Variants in PBX1 observed in about 807,000 individuals in gnomAD.
PBX1 encodes the protein pre-B-cell leukemia transcription factor 1.
In PBX1, 6 loss-of-function variants were observed where a neutral mutation model predicts 53.4. The ratio of observed to expected loss-of-function variants is 0.11; its 90% CI spans 0.06 to 0.22. The LOEUF (loss-of-function observed/expected upper bound fraction) is 0.22, where lower values mean the gene tolerates loss of function less well. Among genes scored for constraint, PBX1 ranks in the 10% least tolerant of loss-of-function variants. PBX1 has a pLI of 1.00. For synonymous variants in PBX1, 204 were observed against 212.3 expected (o/e 0.96, Z 0.34); for missense variants, 251 against 551.4 (o/e 0.46, Z 5.46).
At chr1:164,708,603 A>C (rs1418841365) in intron 2 of PBX1, among the ~76,000 whole-genome samples, 1 of 152,066 alleles carries the variant, frequency 6.6e-6, no homozygotes. Flanking sequence ...CTTTACGTTC[A>C]TGTATACCCA....
At chr1:164,600,488 A>T (rs1317649457) in intron 2 of PBX1, among the ~76,000 whole-genome samples, 1 of 152,072 alleles carries the variant, frequency 6.6e-6, no homozygotes, top group Non-Finnish European at 1.5e-5. Flanking sequence ...ACCTCAGGTG[A>T]TCTACCCGCC....
intron 8 of PBX1, among the ~76,000 whole-genome samples, chr1:164,833,786 C>G (rs1158004410): frequency 6.6e-6 from 1 of 151,638 alleles, no homozygotes; most frequent in African/African-American, 2.4e-5. Flanking sequence ...AGCAACCGGT[C>G]TATTCTGACT....
chr1:164,565,716 C>G (rs531582721), intron 2 of PBX1, among the ~76,000 whole-genome samples: 3 of 151,148 alleles, frequency 2.0e-5, no homozygotes, highest in African/African-American at 2.4e-5. Context: ...GTTGATGGGT[C>G]GGAGGAACAA....
intron 8 of PBX1, 30 bp downstream of exon 8, chr1:164,821,656 TTTG>T: frequency 6.5e-7 from 1 of 1,532,522 alleles, no homozygotes; most frequent in Non-Finnish European, 9.0e-7. Context: ...CACCCCCTGC[TTTG>T]TTTTTATTCT....
chr1:164,578,257 C>T (rs1055921060), intron 2 of PBX1, among the ~76,000 whole-genome samples: 3 of 152,156 alleles, frequency 2.0e-5, no homozygotes, highest in Admixed American at 2.0e-4. Flanking sequence ...TATGGAAGCT[C>T]AATTATTTTT....
chr1:164,615,193 T>C (rs536442351), intron 2 of PBX1, among the ~76,000 whole-genome samples: 1 of 152,316 alleles, frequency 6.6e-6, no homozygotes, highest in East Asian at 1.9e-4. Flanking sequence ...TTTCTCCATA[T>C]AGTAGCTTAT....
intron 2 of PBX1, among the ~76,000 whole-genome samples, chr1:164,714,303 T>C (rs148873721): frequency 1.4e-4 from 22 of 152,368 alleles, no homozygotes; most frequent in African/African-American, 5.0e-4. Context: ...TCTCATTGTC[T>C]ATTAAACCTT....
chr1:164,609,657 G>A (rs751453343), intron 2 of PBX1, among the ~76,000 whole-genome samples: 1 of 151,956 alleles, frequency 6.6e-6, no homozygotes, highest in African/African-American at 2.4e-5. Flanking sequence ...TGTGTGAGCC[G>A]CATGGATTTC....
chr1:164,741,750 G>GTA (rs940757421), intron 2 of PBX1, among the ~76,000 whole-genome samples: 1 of 151,054 alleles, frequency 6.6e-6, no homozygotes, highest in Non-Finnish European at 1.5e-5. Flanking sequence ...GTGTGTGTGT[G>GTA]TGTGTGTGTG....
At chr1:164,742,731 A>G (rs556080998) in intron 2 of PBX1, among the ~76,000 whole-genome samples, 1 of 152,348 alleles carries the variant, frequency 6.6e-6, no homozygotes, top group African/African-American at 2.4e-5. Context: ...CTCTGACTTA[A>G]AAAATGAAAT....
chr1:164,683,570 C>G (rs893995211), intron 2 of PBX1: 6 of 152,150 alleles, frequency 3.9e-5, no homozygotes, highest in African/African-American at 1.4e-4. Context: ...CTAAGTCTTT[C>G]TTCTGTATCA....
chr1:164,755,957 C>T (rs1666492429), intron 2 of PBX1, among the ~76,000 whole-genome samples: 1 of 149,302 alleles, frequency 6.7e-6, no homozygotes, highest in Non-Finnish European at 1.5e-5. Context: ...CCAAGGTAGC[C>T]TCCTGGTGCA....
At chr1:164,832,914 A>C (rs1670839477) in intron 8 of PBX1, among the ~76,000 whole-genome samples, 1 of 152,102 alleles carries the variant, frequency 6.6e-6, no homozygotes, top group Admixed American at 6.6e-5. Flanking sequence ...AAAGATTAAA[A>C]AACAGATCAA....
intron 2 of PBX1, among the ~76,000 whole-genome samples, chr1:164,733,444 G>T (rs1352783272): frequency 6.6e-6 from 1 of 152,126 alleles, no homozygotes; most frequent in African/African-American, 2.4e-5. Context: ...CCTTGCACAG[G>T]AGGATTTATC....
At chr1:164,686,479 G>T (rs1662102408) in intron 2 of PBX1, among the ~76,000 whole-genome samples, 1 of 152,178 alleles carries the variant, frequency 6.6e-6, no homozygotes, top group African/African-American at 2.4e-5. Flanking sequence ...GAACAAATGG[G>T]TCATAAGAAC....
intron 2 of PBX1, among the ~76,000 whole-genome samples, chr1:164,575,661 C>T (rs1427086714): frequency 6.6e-6 from 1 of 152,200 alleles, no homozygotes; most frequent in East Asian, 1.9e-4. Flanking sequence ...TGCCTACATC[C>T]ATTCTGAAAG....
At chr1:164,702,527 G>C (rs923936787) in intron 2 of PBX1, among the ~76,000 whole-genome samples, 1 of 152,190 alleles carries the variant, frequency 6.6e-6, no homozygotes, top group African/African-American at 2.4e-5. Flanking sequence ...GTGTGAGTGA[G>C]TGTGTGCACT....
At chr1:164,693,489 T>C (rs1196299176) in intron 2 of PBX1, among the ~76,000 whole-genome samples, 2 of 152,188 alleles carry the variant, frequency 1.3e-5, no homozygotes, top group African/African-American at 4.8e-5. Flanking sequence ...GGGTCCCCAC[T>C]ATTCTATAGG....
intron 2 of PBX1, among the ~76,000 whole-genome samples, chr1:164,614,588 G>T (rs1275807965): frequency 6.6e-6 from 1 of 152,050 alleles, no homozygotes; most frequent in Admixed American, 6.6e-5. Context: ...TGACTGGTGC[G>T]CTATGCTGCT....
Sources: allele counts gnomAD v4.1 joint callset (sites outside exome capture counted in the v4.1 genomes callset), GRCh38; gene constraint gnomAD v4.1.1; transcripts MANE v1.5; gene names NCBI Gene and HGNC (gene_info 2026-07-23, HGNC 2026-07-21).